The following SLC25A44 variants were observed in gnomAD, a reference collection of about 807,000 sequenced individuals.
SLC25A44 encodes the protein solute carrier family 25 member 44.
In SLC25A44, 17 loss-of-function variants were observed where a neutral mutation model predicts 29.9. The observed-to-expected ratio is 0.57, with a 90% CI of 0.39 to 0.85. SLC25A44 has a LOEUF of 0.85. SLC25A44 is among the 40% of genes least tolerant of loss of function. The pLI is 0.00. For missense variants in SLC25A44, 302 were observed against 398.4 expected (o/e 0.76, Z 2.06); for synonymous variants, 140 against 151.8 (o/e 0.92, Z 0.57).
rs1194274854 is a variant in SLC25A44, at chr1:156,211,367, A to T, written c.*936A>T. ...AGCACTACCTTGAGAAGTCAGGTTGAGAAAGTAGTTGATCTAGAAGGCAAC... is the reference window on the plus strand; with the variant it reads ...AGCACTACCTTGAGAAGTCAGGTTGTGAAAGTAGTTGATCTAGAAGGCAAC... On this transcript the variant is annotated 3_prime_UTR_variant, in exon 4 of 4. Transcript: ENST00000359511. The T allele has an allele frequency of 6.5e-6, 1 of 152,698 alleles. No homozygotes were observed. The highest frequency in any genetic ancestry group is 1.5e-5 in the Non-Finnish European group (1 of 68,148). The allele number at this position is 152,698 out of a possible 1,614,324, so 9.5% of individuals were successfully genotyped here.
intron 2 of SLC25A44, among the ~76,000 whole-genome samples, chr1:156,205,048 T>A (rs1471172675): frequency 6.7e-6 from 1 of 149,978 alleles, no homozygotes; most frequent in Non-Finnish European, 1.5e-5. Flanking sequence ...AGGAAAAAAT[T>A]TTTTTTTTTT....
chr1:156,206,740 C>T (rs373837261), intron 2 of SLC25A44, among the ~76,000 whole-genome samples: 8 of 151,428 alleles, frequency 5.3e-5, no homozygotes, highest in African/African-American at 1.9e-4. Flanking sequence ...ACCATGTTGT[C>T]CAGTCTGGTT....
In SLC25A44 at chr1:156,212,134, A is replaced by C. The variant is rs1033085836; in HGVS notation, c.*1703A>C. On this transcript the variant is annotated 3_prime_UTR_variant, in exon 4 of 4. Coordinates refer to ENST00000359511, the MANE Select transcript of SLC25A44 (RefSeq NM_014655.4). ...TGTTCACATCCAAAGGGTTGGACCC[A>C]CGGATCATTCTGAATCTTCCTGCCC... 2 of 152,644 alleles carry C rather than the reference A, an allele frequency of 1.3e-5. No homozygotes were observed. The highest frequency in any genetic ancestry group is 2.9e-5 in the Non-Finnish European group (2 of 68,056). The allele number at this position is 152,644 out of a possible 1,614,324, so 9.5% of individuals were successfully genotyped here.
chr1:156,203,134 C>T (rs1210932611), intron 2 of SLC25A44, among the ~76,000 whole-genome samples: 1 of 152,184 alleles, frequency 6.6e-6, no homozygotes, highest in Non-Finnish European at 1.5e-5. Context: ...CTCTGCTCTT[C>T]CTCACTGCTC....
rs2103037428 is a variant in SLC25A44, at chr1:156,200,581, G to A, written c.625+109G>A. 7.9e-6 allele frequency: 8 copies of A among 1,009,792 alleles called. No homozygotes were observed. In the East Asian group the frequency reaches 1.7e-4, roughly 21 times the overall value. 62.6% of individuals were successfully genotyped at this position (1,009,792 alleles called of 1,614,324 possible). On this transcript the variant is annotated intron_variant, in intron 2 of 3. Transcript: ENST00000359511. ...GAGGTGAGATTTAATGGGGGAATGG[G>A]TCATTCACTCAGCAAATGTTTGAAT...
In SLC25A44 at chr1:156,199,623, T is replaced by A. The variant is rs1572451282; in HGVS notation, c.-13-212T>A. On this transcript the variant is annotated intron_variant, in intron 1 of 3. Coordinates refer to ENST00000359511, the MANE Select transcript of SLC25A44 (RefSeq NM_014655.4). Reference sequence around the variant, plus strand: ...GGAGGGAAACTGAGTAAGGAAGGCCTGGCCAAGGACCAAGAAGGGGACAGT... The same window carrying A: ...GGAGGGAAACTGAGTAAGGAAGGCCAGGCCAAGGACCAAGAAGGGGACAGT... 7.2e-6 allele frequency: 4 copies of A among 554,298 alleles called. No individual in the cohort carries two copies. The South Asian group carries it at 9.7e-5, about 13-fold the overall frequency. The allele number at this position is 554,298 out of a possible 1,614,324, so 34.3% of individuals were successfully genotyped here.
intron 2 of SLC25A44, among the ~76,000 whole-genome samples, chr1:156,204,287 A>G (rs896914345): frequency 6.6e-6 from 1 of 151,466 alleles, no homozygotes. Flanking sequence ...GATTACAGGC[A>G]TGAGCCACCG....
intron 1 of SLC25A44, chr1:156,199,477 T>C (rs142669979): frequency 3.8e-4 from 95 of 252,332 alleles, no homozygotes; most frequent in Admixed American, 1.6e-3. Context: ...CTGGCCAGAG[T>C]AGTGATACCA....
intron 2 of SLC25A44, among the ~76,000 whole-genome samples, chr1:156,207,173 A>G (rs1656995420): frequency 6.8e-6 from 1 of 147,718 alleles, no homozygotes; most frequent in Non-Finnish European, 1.5e-5. Context: ...CTCTCTATAC[A>G]AAACATTTTT....
intron 2 of SLC25A44, among the ~76,000 whole-genome samples, chr1:156,203,992 CCG>C (rs2103043690): frequency 6.6e-6 from 1 of 151,636 alleles, no homozygotes; most frequent in African/African-American, 2.4e-5. Context: ...GCATGAGCCA[CCG>C]CGCCTGGCCC....
intron 3 of SLC25A44, among the ~76,000 whole-genome samples, chr1:156,209,629 G>T (rs1309544050): frequency 6.6e-6 from 1 of 152,148 alleles, no homozygotes; most frequent in Non-Finnish European, 1.5e-5. Flanking sequence ...CAGGCTTTCA[G>T]TGTGAGAGGG....
Position 156,200,314 on chromosome 1 carries a change from A to G in SLC25A44, c.467A>G (p.Glu156Gly). The G allele has an allele frequency of 1.2e-6, 2 of 1,614,160 alleles. No individual in the cohort carries two copies. Among genetic ancestry groups the G allele is most frequent in the Non-Finnish European group, 1.7e-6 (2 of 1,180,030 alleles). The change falls in exon 2 of 4, where the codon GAG (glutamate) becomes GGG (glycine). Residue 156 changes from glutamate (E) to glycine (G), a missense_variant. Coordinates refer to ENST00000359511, the MANE Select transcript of SLC25A44 (RefSeq NM_014655.4). Reference sequence around the variant, plus strand: ...CGCTTTCAGGTGCGGGGGAACCCAGAGGGACAAGGGGTAGTTGCCTTTGGC... The same window carrying G: ...CGCTTTCAGGTGCGGGGGAACCCAGGGGGACAAGGGGTAGTTGCCTTTGGC... ...MGRFQVRGNP[E>G]GQGVVAFGQT...
chr1:156,195,266 G>C (rs1439382520), intron 1 of SLC25A44, among the ~76,000 whole-genome samples: 2 of 152,216 alleles, frequency 1.3e-5, no homozygotes, highest in Non-Finnish European at 2.9e-5. Context: ...ACCACGCCCG[G>C]CTAATTTTTT....
In SLC25A44 at chr1:156,198,985, T is replaced by C. The variant is rs1329026010; in HGVS notation, c.-13-850T>C. 6.6e-6 allele frequency: 1 copy of C among 152,266 alleles called. No homozygotes were observed. The highest frequency in any genetic ancestry group is 2.4e-5 in the African/African-American group (1 of 41,446). The allele number at this position is 152,266 out of a possible 1,614,324, so 9.4% of individuals were successfully genotyped here. On this transcript the variant is annotated intron_variant, in intron 1 of 3. Transcript: ENST00000359511. This position sits in a 1 kb window ranked among gnomAD's most constrained non-coding sequence, Gnocchi z 4.1. ...AGCTCTCAGGTGGTTCTTTTCTGTT[T>C]TTCTCAGAGCAAGTTATCTAATAAC...
intron 1 of SLC25A44, among the ~76,000 whole-genome samples, 154 bp downstream of exon 1, chr1:156,194,401 G>A (rs1656078143): frequency 6.6e-6 from 1 of 152,256 alleles, no homozygotes; most frequent in African/African-American, 2.4e-5. Flanking sequence ...TCCTGGCAGA[G>A]GATCGTGAGA....
chr1:156,204,732 C>A (rs572340405), intron 2 of SLC25A44, among the ~76,000 whole-genome samples: 12 of 152,174 alleles, frequency 7.9e-5, no homozygotes, highest in Non-Finnish European at 1.5e-4. Context: ...AGGTGATCCA[C>A]CTGCCTCAGC....
Position 156,199,907 on chromosome 1 carries a change from C to T in SLC25A44, c.60C>T (p.Phe20=), listed in dbSNP as rs374803070. The T allele has an allele frequency of 2.2e-5, 35 of 1,614,022 alleles. No individual in the cohort carries two copies. The highest frequency in any genetic ancestry group is 2.9e-5 in the Non-Finnish European group (34 of 1,180,002). The part of the protein sequence containing the change: ...IEWEHLDKKK[F]YVFGVAMTMM... ...GGGAACACCTGGACAAGAAGAAGTT[C>T]TACGTGTTTGGTGTGGCAATGACAA... Residue 20 remains phenylalanine (F), a synonymous_variant, in exon 2 of 4, where the codon TTC becomes TTT. Coordinates refer to ENST00000359511, the MANE Select transcript of SLC25A44 (RefSeq NM_014655.4).
chr1:156,212,697 T>G lies in SLC25A44; in HGVS notation c.*2266T>G. ...AATGAAAAGGCAGACTCTCTGAACG[T>G]TTGATGAAATGGACTCTTGTGAAAA... On this transcript the variant is annotated 3_prime_UTR_variant, in exon 4 of 4. Transcript: ENST00000359511. 4.1e-6 allele frequency: 1 copy of G among 242,256 alleles called. No individual in the cohort carries two copies. Among genetic ancestry groups the G allele is most frequent in the South Asian group, 6.1e-5 (1 of 16,310 alleles). 15.0% of individuals were successfully genotyped at this position (242,256 alleles called of 1,614,324 possible).
rs1656441095 is a variant in SLC25A44 at position 156,199,841 on chromosome 1, A to G, written c.-7A>G. ...CATACTGCTCAAATCCCAGGTCTTC[A>G]GGCACCATGGAGGACAAACGCAACA... On this transcript the variant is annotated 5_prime_UTR_variant, in exon 2 of 4. Transcript: ENST00000359511. The G allele has an allele frequency of 6.2e-7, 1 of 1,610,122 alleles. No homozygotes were observed.
Sources: allele counts gnomAD v4.1 joint callset (sites outside exome capture counted in the v4.1 genomes callset), GRCh38; gene constraint gnomAD v4.1.1; non-coding constraint Gnocchi (gnomAD v3.1); transcripts MANE v1.5; gene names NCBI Gene and HGNC (gene_info 2026-07-23, HGNC 2026-07-21).